XYLT1: variants seen among roughly 807,000 people sequenced by gnomAD.
XYLT1 encodes the protein beta-D-xylosyltransferase 1.
XYLT1 carries 36 observed loss-of-function variants against 91.3 expected under a neutral mutation model. The ratio of observed to expected loss-of-function variants is 0.39; its 90% confidence interval spans 0.30 to 0.52. XYLT1 has a LOEUF of 0.52. Ranked by LOEUF, XYLT1 falls within the 20% of genes least tolerant of loss-of-function variation. The pLI is 0.68. For synonymous variants in XYLT1, 588 were observed against 532.0 expected (o/e 1.11, Z -1.45); for missense variants, 1,242 against 1,284.5 (o/e 0.97, Z 0.51).
chr16:17,376,896 G>A (rs913622098), intron 1 of XYLT1, among the ~76,000 whole-genome samples: 1 of 149,948 alleles, frequency 6.7e-6, no homozygotes, highest in Middle Eastern at 3.5e-3. Flanking sequence ...ACCCAACCAG[G>A]CCAGGTGTGG....
chr16:17,162,776 G>A (rs2031586813), intron 5 of XYLT1, among the ~76,000 whole-genome samples: 3 of 152,232 alleles, frequency 2.0e-5, no homozygotes, highest in Admixed American at 2.0e-4. Flanking sequence ...TTTCAAACAA[G>A]ATTCCAGATG....
chr16:17,390,180 G>C (rs2035799336), intron 1 of XYLT1, among the ~76,000 whole-genome samples: 1 of 152,150 alleles, frequency 6.6e-6, no homozygotes, highest in South Asian at 2.1e-4. Flanking sequence ...AACTCAACAG[G>C]GGGAGGCGAG....
chr16:17,285,600 G>C (rs373218684), intron 2 of XYLT1, among the ~76,000 whole-genome samples: 1 of 152,174 alleles, frequency 6.6e-6, no homozygotes, highest in Non-Finnish European at 1.5e-5. Context: ...TCATGCCCGG[G>C]GGCCCTGCTT....
At chr16:17,361,825 G>A (rs147722218) in intron 1 of XYLT1, among the ~76,000 whole-genome samples, 1,811 of 152,258 alleles carry the variant, frequency 0.012, 20 homozygotes, top group Middle Eastern at 0.041. Flanking sequence ...TGTCCTATGG[G>A]CATATTACTT....
intron 11 of XYLT1, among the ~76,000 whole-genome samples, chr16:17,112,505 G>A (rs1340177821): frequency 6.6e-6 from 1 of 152,058 alleles, no homozygotes; most frequent in Non-Finnish European, 1.5e-5. Flanking sequence ...CTACTCCACT[G>A]GCGTGGGGGT....
intron 10 of XYLT1, among the ~76,000 whole-genome samples, chr16:17,121,796 G>A (rs906400829): frequency 6.6e-6 from 1 of 151,982 alleles, no homozygotes; most frequent in South Asian, 2.1e-4. Flanking sequence ...TCATTCTTAA[G>A]CCTTGATTTC....
intron 5 of XYLT1, among the ~76,000 whole-genome samples, chr16:17,173,071 G>A (rs1255050714): frequency 4.6e-5 from 7 of 151,756 alleles, no homozygotes; most frequent in Non-Finnish European, 8.8e-5. Context: ...AACCAAATTA[G>A]TAACAAATGT....
chr16:17,102,447 T>C lies in XYLT1; in HGVS notation c.*6248A>G, dbSNP rs1446921299. The stretch of plus-strand genomic sequence containing the variant: ...TACAGTATTTAATACATCCACTGTT[T>C]TCTGCAAAAAATGTTGCTTTGTCAG... On this transcript the variant is annotated 3_prime_UTR_variant, in exon 12 of 12. Transcript: ENST00000261381. The C allele has an allele frequency of 6.6e-6, 1 of 152,634 alleles. No individual in the cohort carries two copies. The highest frequency in any genetic ancestry group is 2.4e-5 in the African/African-American group (1 of 41,446). The allele number at this position is 152,634 out of a possible 1,614,324, so 9.5% of individuals were successfully genotyped here. A position where few individuals can be genotyped will look rare whatever the true frequency, so the allele number is the denominator to read the frequency against.
At chr16:17,286,736 C>T (rs1596466168) in intron 2 of XYLT1, among the ~76,000 whole-genome samples, 1 of 152,164 alleles carries the variant, frequency 6.6e-6, no homozygotes, top group East Asian at 1.9e-4. Context: ...AAGACGGGGA[C>T]TTGAACCCAG....
Position 17,458,529 on chromosome 16 carries a change from G to C in XYLT1, c.363+11905C>G, listed in dbSNP as rs142309676. Among the ~76,000 whole-genome samples, 329 of 152,180 alleles carry C rather than the reference G, an allele frequency of 2.2e-3. 2 individuals carry two copies. The highest frequency in any genetic ancestry group is 7.3e-3 in the Admixed American group (112 of 15,282). ...CTCCAATGGGGAATTCCTTTCCAAG[G>C]GACCCAGAGCACAGTTCCTCCTAAC... On this transcript the variant is annotated intron_variant, in intron 1 of 11. Coordinates refer to ENST00000261381, the MANE Select transcript of XYLT1 (RefSeq NM_022166.4).
chr16:17,177,610 C>T (rs4071691), intron 5 of XYLT1, among the ~76,000 whole-genome samples: 9 of 151,990 alleles, frequency 5.9e-5, no homozygotes, highest in Non-Finnish European at 1.3e-4. Flanking sequence ...TTCACAGTGA[C>T]GCCCTACAGC....
intron 2 of XYLT1, among the ~76,000 whole-genome samples, chr16:17,350,301 G>A (rs2035202665): frequency 6.6e-6 from 1 of 152,238 alleles, no homozygotes; most frequent in African/African-American, 2.4e-5. Flanking sequence ...TTGAAATGGT[G>A]CATGTGGCTG....
chr16:17,189,176 TG>T (rs1294608923), intron 5 of XYLT1, among the ~76,000 whole-genome samples: 1 of 152,142 alleles, frequency 6.6e-6, no homozygotes, highest in African/African-American at 2.4e-5. Flanking sequence ...AGAAGGGGCT[TG>T]GTGTTGAGAG....
intron 2 of XYLT1, among the ~76,000 whole-genome samples, chr16:17,344,300 G>A (rs1354832930): frequency 8.6e-5 from 13 of 150,564 alleles, no homozygotes; most frequent in Non-Finnish European, 1.6e-4. Flanking sequence ...GGCTAACACG[G>A]TGAAACCCCG....
chr16:17,172,716 G>A lies in XYLT1; in HGVS notation c.1290-13807C>T, dbSNP rs201422968. On this transcript the variant is annotated intron_variant, in intron 5 of 11. Transcript: ENST00000261381. The stretch of plus-strand genomic sequence containing the variant: ...TCAAACTCCTGACCTCAGGTGATCC[G>A]CCTGCCTCAGCCTCCCAAAGTGCTG... Among the ~76,000 whole-genome samples the A allele has an allele frequency of 5.9e-5, 9 of 152,112 alleles. 1 individual carries two copies. Among genetic ancestry groups the A allele is most frequent in the Middle Eastern group, 6.8e-3 (2 of 294 alleles).
At chr16:17,269,792 T>TTTCTTATTATTATTATTA (rs2033858981) in intron 2 of XYLT1, among the ~76,000 whole-genome samples, 1 of 141,696 alleles carries the variant, frequency 7.1e-6, no homozygotes, top group African/African-American at 2.7e-5. Context: ...TCCTTCTCCC[T>TTTCTTATTATTATTATTA]TTATTATTAT....
intron 5 of XYLT1, among the ~76,000 whole-genome samples, chr16:17,186,584 G>A (rs551562991): frequency 8.6e-5 from 13 of 151,780 alleles, no homozygotes; most frequent in Admixed American, 3.3e-4. Flanking sequence ...GGATAGGCAT[G>A]AGCCACTGCG....
intron 6 of XYLT1, among the ~76,000 whole-genome samples, chr16:17,142,629 G>C (rs2141522057): frequency 6.7e-6 from 1 of 148,736 alleles, no homozygotes. Flanking sequence ...TTTTAGTAGA[G>C]ATGGGGTTTC....
chr16:17,402,062 G>T (rs965413587), intron 1 of XYLT1, among the ~76,000 whole-genome samples: 10 of 152,102 alleles, frequency 6.6e-5, no homozygotes, highest in African/African-American at 2.4e-4. Flanking sequence ...ACTTCGGGAG[G>T]CTGAGGCAGG....
Sources: allele counts gnomAD v4.1 joint callset (sites outside exome capture counted in the v4.1 genomes callset), GRCh38; gene constraint gnomAD v4.1.1; transcripts MANE v1.5; gene names NCBI Gene and HGNC (gene_info 2026-07-23, HGNC 2026-07-21).